The following PARM1 variants were observed in gnomAD, a reference collection of about 807,000 sequenced individuals.
PARM1 encodes prostate androgen-regulated mucin-like protein 1.
Under a neutral mutation model 24.6 loss-of-function variants are expected in PARM1, and 14 were observed. The ratio of observed to expected loss-of-function variants is 0.57; its 90% confidence interval spans 0.38 to 0.89. PARM1 has a LOEUF of 0.89. Among genes scored for constraint, PARM1 ranks in the 40% least tolerant of loss-of-function variants. The pLI is 0.00. For synonymous variants in PARM1, 179 were observed against 156.6 expected, an observed-to-expected ratio of 1.14 and a Z score of -1.07; for missense variants, 362 against 380.4, an observed-to-expected ratio of 0.95 and a Z score of 0.40.
At chr4:75,036,031 C>T (rs1236425918) in intron 3 of PARM1, among the ~76,000 whole-genome samples, 1 of 152,136 alleles carries the variant, frequency 6.6e-6, no homozygotes, top group East Asian at 1.9e-4. Context: ...CTGGGAACCT[C>T]GTTTCCATTT....
At chr4:74,973,163 A>G (rs1722073500) in intron 1 of PARM1, among the ~76,000 whole-genome samples, 1 of 152,116 alleles carries the variant, frequency 6.6e-6, no homozygotes, top group Non-Finnish European at 1.5e-5. Flanking sequence ...CTTCTTTAAC[A>G]TTTTTTGGTT....
chr4:74,986,392 T>C (rs1722356130), intron 1 of PARM1, among the ~76,000 whole-genome samples: 1 of 152,334 alleles, frequency 6.6e-6, no homozygotes, highest in South Asian at 2.1e-4. Context: ...CAATAAAATA[T>C]TTCTTCATGA....
chr4:75,014,212 T>C (rs1267757751), intron 2 of PARM1, among the ~76,000 whole-genome samples: 6 of 151,982 alleles, frequency 3.9e-5, no homozygotes, highest in Non-Finnish European at 2.9e-5. Flanking sequence ...TGCTTGACAG[T>C]GGAGGTAGGA....
chr4:75,023,470 A>G (rs1175867850), intron 2 of PARM1, among the ~76,000 whole-genome samples: 2 of 152,198 alleles, frequency 1.3e-5, no homozygotes, highest in Non-Finnish European at 2.9e-5. Flanking sequence ...TGTGGATACC[A>G]ACCAGCAAGA....
chr4:75,005,157 G>A (rs2109789417), intron 1 of PARM1, among the ~76,000 whole-genome samples: 1 of 152,304 alleles, frequency 6.6e-6, no homozygotes, highest in Middle Eastern at 3.4e-3. Flanking sequence ...TGGAGAAACT[G>A]GTAGCAATTA....
rs1723658156 is a variant in PARM1, at chr4:75,048,611, G to C, written c.*2364G>C. The C allele has an allele frequency of 6.6e-6, 1 of 152,362 alleles. No individual in the cohort carries two copies. Among genetic ancestry groups the C allele is most frequent in the Non-Finnish European group, 1.5e-5 (1 of 68,046 alleles). The allele number at this position is 152,362 out of a possible 1,614,324, so 9.4% of individuals were successfully genotyped here. A position where few individuals can be genotyped will look rare whatever the true frequency, so the allele number is the denominator to read the frequency against. ...GCCTCTGCCGTAAATCCTGGGGCAA[G>C]GGATCAGCCTCTTCCCAGGAACCAT... On this transcript the variant is annotated 3_prime_UTR_variant, in exon 4 of 4. Transcript: ENST00000307428.
chr4:74,938,664 CT>C (rs1193043112), intron 1 of PARM1, among the ~76,000 whole-genome samples: 1 of 152,082 alleles, frequency 6.6e-6, no homozygotes, highest in Non-Finnish European at 1.5e-5. Context: ...CATGACATTT[CT>C]TTTTTTAGTT....
intron 1 of PARM1, among the ~76,000 whole-genome samples, chr4:74,994,765 C>T (rs574687218): frequency 1.3e-5 from 2 of 151,576 alleles, no homozygotes; most frequent in African/African-American, 4.8e-5. Flanking sequence ...TGCACTCCAG[C>T]CTGGGTGACA....
intron 1 of PARM1, among the ~76,000 whole-genome samples, chr4:74,983,249 G>C (rs1264787939): frequency 6.6e-6 from 1 of 152,152 alleles, no homozygotes; most frequent in African/African-American, 2.4e-5. Context: ...ATATGGTCTG[G>C]GAATAGGTTT....
At chr4:74,959,973 G>A (rs181549136) in intron 1 of PARM1, among the ~76,000 whole-genome samples, 70 of 152,314 alleles carry the variant, frequency 4.6e-4, no homozygotes, top group African/African-American at 1.6e-3. Context: ...ACTTACAGGG[G>A]AAGGATTGGT....
At chr4:75,012,169 G>A (rs1247469686) in intron 1 of PARM1, among the ~76,000 whole-genome samples, 5 of 152,166 alleles carry the variant, frequency 3.3e-5, no homozygotes, top group Non-Finnish European at 7.4e-5. Context: ...TTCATACCAT[G>A]CATTGGCTAG....
intron 2 of PARM1, among the ~76,000 whole-genome samples, chr4:75,028,110 A>G (rs1723215205): frequency 6.6e-6 from 1 of 152,230 alleles, no homozygotes; most frequent in South Asian, 2.1e-4. Flanking sequence ...ATGAACTGAA[A>G]TAAGTGAAGC....
intron 2 of PARM1, among the ~76,000 whole-genome samples, chr4:75,031,977 C>G (rs1466899365): frequency 6.6e-6 from 1 of 152,184 alleles, no homozygotes; most frequent in Admixed American, 6.5e-5. Flanking sequence ...CCAAGAGGAG[C>G]CTTTCAAAGT....
chr4:75,019,650 T>C (rs987156382), intron 2 of PARM1, among the ~76,000 whole-genome samples: 2 of 152,098 alleles, frequency 1.3e-5, no homozygotes, highest in Admixed American at 1.3e-4. Flanking sequence ...CCCATAAACC[T>C]TAGATTTGAA....
chr4:75,022,726 A>C (rs991155630), intron 2 of PARM1, among the ~76,000 whole-genome samples: 8 of 152,160 alleles, frequency 5.3e-5, no homozygotes, highest in African/African-American at 1.9e-4. Flanking sequence ...TTGATTCCAT[A>C]CCCTGACTGA....
intron 2 of PARM1, among the ~76,000 whole-genome samples, chr4:75,028,289 G>C (rs1723218702): frequency 6.6e-6 from 1 of 152,162 alleles, no homozygotes; most frequent in African/African-American, 2.4e-5. Context: ...TAGAGATTCG[G>C]CACACACAGA....
rs1354543766 is a variant in PARM1 at position 74,949,308 on chromosome 4, T to C, written c.43+15938T>C. Among the ~76,000 whole-genome samples, 6 of 152,166 alleles carry C rather than the reference T, an allele frequency of 3.9e-5. No individual in the cohort carries two copies. In the South Asian group the frequency reaches 8.3e-4, roughly 21 times the overall value. ...TAGTAAGAAATGGGCATGAGTTATA[T>C]CTCTGTATAGGTCAGTTTTCTTTTT... On this transcript the variant is annotated intron_variant, in intron 1 of 3. Coordinates refer to ENST00000307428, the MANE Select transcript of PARM1 (RefSeq NM_015393.4).
At chr4:75,015,195 CTACAAG>C (rs1489099366) in intron 2 of PARM1, among the ~76,000 whole-genome samples, 1 of 152,194 alleles carries the variant, frequency 6.6e-6, no homozygotes, top group Non-Finnish European at 1.5e-5. Flanking sequence ...CTACTCCTTC[CTACAAG>C]TACCTTAGTT....
chr4:75,003,476 G>C (rs1722718743), intron 1 of PARM1, among the ~76,000 whole-genome samples: 3 of 152,176 alleles, frequency 2.0e-5, no homozygotes, highest in African/African-American at 7.2e-5. Flanking sequence ...TCATTCACCA[G>C]GTCTGCAGGT....
Sources: gnomAD v4.1 joint callset for allele counts (sites outside exome capture counted in the v4.1 genomes callset) on GRCh38, gnomAD v4.1.1 for gene constraint, MANE v1.5 for transcripts, NCBI Gene and HGNC (gene_info 2026-07-23, HGNC 2026-07-21) for gene names.